The following DIAPH2 variants were observed in gnomAD, a reference collection of about 807,000 sequenced individuals.
DIAPH2 encodes the protein diaphanous related formin 2.
A neutral mutation model predicts 92.7 loss-of-function variants in DIAPH2; 35 were observed. The observed-to-expected ratio is 0.38, with a 90% confidence interval of 0.29 to 0.50. DIAPH2 has a LOEUF of 0.50. Ranked by LOEUF, DIAPH2 falls within the 20% of genes least tolerant of loss-of-function variation. The pLI is 0.94. For missense variants in DIAPH2, 701 were observed against 819.5 expected, an observed-to-expected ratio of 0.86 and a Z score of 1.77; for synonymous variants, 301 against 280.4, an observed-to-expected ratio of 1.07 and a Z score of -0.73.
chrX:97,370,746 A>G (rs749026513), intron 24 of DIAPH2, among the ~76,000 whole-genome samples: 10 of 111,997 alleles, frequency 8.9e-5, no homozygotes, highest in South Asian at 3.7e-4. Flanking sequence ...AGTTTTATCA[A>G]TAAGATACAT....
At chrX:96,821,233 G>A (rs2064775833) in intron 4 of DIAPH2, among the ~76,000 whole-genome samples, 1 of 112,407 alleles carries the variant, frequency 8.9e-6, no homozygotes, top group Non-Finnish European at 1.9e-5. Flanking sequence ...TAAGCCAAAA[G>A]TCAATCACAA....
chrX:96,811,203 G>C (rs1400733895), intron 4 of DIAPH2, among the ~76,000 whole-genome samples: 1 of 111,366 alleles, frequency 9.0e-6, no homozygotes, highest in East Asian at 2.8e-4. Context: ...TTGAGCGGTG[G>C]TTGGAGTTCT....
At chrX:97,506,138 CTTTTTTTTTTTTT>C (rs11385451) in intron 26 of DIAPH2, among the ~76,000 whole-genome samples, 3 of 28,110 alleles carry the variant, frequency 1.1e-4, no homozygotes, top group Non-Finnish European at 1.1e-4. Flanking sequence ...TATCTAGTGC[CTTTTTTTTTTTTT>C]TTTTTTTTTT....
At chrX:96,811,415 A>G (rs1009106277) in intron 4 of DIAPH2, among the ~76,000 whole-genome samples, 34 of 111,899 alleles carry the variant, frequency 3.0e-4, no homozygotes, top group Middle Eastern at 9.1e-3. Flanking sequence ...AGGAGATTTT[A>G]GGCTGAGACA....
chrX:96,775,672 A>G (rs1375818518), intron 4 of DIAPH2, among the ~76,000 whole-genome samples: 2 of 110,567 alleles, frequency 1.8e-5, no homozygotes, highest in African/African-American at 6.6e-5. Context: ...GTTAAAACAC[A>G]GTGAAAATCA....
intron 26 of DIAPH2, among the ~76,000 whole-genome samples, chrX:97,549,044 T>C (rs1430351752): frequency 4.4e-5 from 5 of 112,629 alleles, no homozygotes; most frequent in Non-Finnish European, 7.5e-5. Context: ...TCATCTAAAT[T>C]TGAAAAGAAA....
chrX:97,229,100 A>G (rs1378101588), intron 22 of DIAPH2, among the ~76,000 whole-genome samples: 2 of 111,539 alleles, frequency 1.8e-5, no homozygotes, highest in Non-Finnish European at 3.8e-5. Flanking sequence ...GATTGTGACT[A>G]TTTTTTATAT....
chrX:97,256,356 TCTTTG>T (rs1393478826), intron 23 of DIAPH2, among the ~76,000 whole-genome samples: 1 of 112,115 alleles, frequency 8.9e-6, no homozygotes, highest in Non-Finnish European at 1.9e-5. Context: ...GAATTTGTTT[TCTTTG>T]CTTTGATTTA....
At chrX:97,072,326 G>A (rs1435542170) in intron 17 of DIAPH2, among the ~76,000 whole-genome samples, 1 of 112,068 alleles carries the variant, frequency 8.9e-6, no homozygotes, top group Non-Finnish European at 1.9e-5. Context: ...TTCTAAGGAA[G>A]CAAATAGTAT....
At chrX:97,481,605 G>A (rs2070651121) in intron 26 of DIAPH2, among the ~76,000 whole-genome samples, 1 of 111,467 alleles carries the variant, frequency 9.0e-6, no homozygotes, top group Non-Finnish European at 1.9e-5. Context: ...TAGTTAAAAA[G>A]GGAGCTCAGA....
intron 26 of DIAPH2, among the ~76,000 whole-genome samples, chrX:97,479,029 T>G (rs756397895): frequency 3.6e-5 from 4 of 112,007 alleles, no homozygotes; most frequent in East Asian, 2.8e-4. Flanking sequence ...ACAAACTGAC[T>G]TGAAAGCTAT....
chrX:97,571,172 A>G (rs2071367488), intron 26 of DIAPH2, among the ~76,000 whole-genome samples: 1 of 111,456 alleles, frequency 9.0e-6, no homozygotes, highest in South Asian at 3.8e-4. Flanking sequence ...GCCAGTAAGG[A>G]TAAAAAGCCA....
chrX:97,417,830 GT>G (rs908802972), intron 25 of DIAPH2, among the ~76,000 whole-genome samples: 20 of 104,754 alleles, frequency 1.9e-4, no homozygotes, highest in East Asian at 1.2e-3. Context: ...TGTATACAAT[GT>G]TTTTTTTTTT....
At chrX:97,017,296 A>G (rs1602718798) in intron 17 of DIAPH2, among the ~76,000 whole-genome samples, 1 of 111,932 alleles carries the variant, frequency 8.9e-6, no homozygotes, top group East Asian at 2.8e-4. Flanking sequence ...GTTGTTTAGA[A>G]TTATCTTTTT....
At chrX:96,766,170 G>A (rs2147608341) in intron 4 of DIAPH2, among the ~76,000 whole-genome samples, 1 of 109,738 alleles carries the variant, frequency 9.1e-6, no homozygotes, top group Non-Finnish European at 1.9e-5. Flanking sequence ...AGGACCTGAA[G>A]ATGCAATATG....
At chrX:96,967,289 A>G (rs2065898756) in intron 17 of DIAPH2, among the ~76,000 whole-genome samples, 1 of 111,932 alleles carries the variant, frequency 8.9e-6, no homozygotes, top group South Asian at 3.8e-4. Context: ...GAGAACATGC[A>G]GTATTTAATT....
At chrX:96,812,397 C>G (rs1017579486) in intron 4 of DIAPH2, among the ~76,000 whole-genome samples, 23 of 110,856 alleles carry the variant, frequency 2.1e-4, no homozygotes, top group Non-Finnish European at 2.3e-4. Flanking sequence ...TGCATCTATT[C>G]AATTCTTCTC....
At chrX:97,345,435 T>C (rs528486836) in intron 23 of DIAPH2, among the ~76,000 whole-genome samples, 2 of 112,023 alleles carry the variant, frequency 1.8e-5, no homozygotes, top group African/African-American at 6.5e-5. Flanking sequence ...ATTTCCCCAT[T>C]GACTTCCATT....
intron 4 of DIAPH2, among the ~76,000 whole-genome samples, chrX:96,781,216 A>G (rs760409486): frequency 8.9e-6 from 1 of 112,008 alleles, no homozygotes; most frequent in East Asian, 2.8e-4. Context: ...CATGAGAAGC[A>G]GCAGGTATAC....
Sources: allele counts gnomAD v4.1 joint callset (sites outside exome capture counted in the v4.1 genomes callset), GRCh38; gene constraint gnomAD v4.1.1; transcripts MANE v1.5; gene names NCBI Gene and HGNC (gene_info 2026-07-23, HGNC 2026-07-21).